ARHGAP23: variants seen among roughly 807,000 people sequenced by gnomAD.
ARHGAP23 encodes Rho GTPase activating protein 23.
ARHGAP23 carries 34 observed loss-of-function variants against 136.3 expected under a neutral mutation model. That is an observed-to-expected ratio of 0.25 (90% CI 0.19 to 0.33). ARHGAP23 has a LOEUF of 0.33. Ranked by LOEUF, ARHGAP23 falls within the 10% of genes least tolerant of loss-of-function variation. The pLI, the probability that ARHGAP23 is intolerant of heterozygous loss-of-function variation, is 1.00. For synonymous variants in ARHGAP23, 832 were observed against 920.5 expected, an observed-to-expected ratio of 0.90 and a Z score of 1.74; for missense variants, 1,808 against 2,139.0, an observed-to-expected ratio of 0.85 and a Z score of 3.05.
At chr17:38,425,170 T>C (rs1374568318), upstream of ARHGAP23, among the ~76,000 whole-genome samples, 1 of 152,164 alleles carries the variant, frequency 6.6e-6, no homozygotes, top group Non-Finnish European at 1.5e-5. Context: ...CCCTCCAGCG[T>C]CACACCCCCG....
rs1445378675 is a variant in ARHGAP23, at chr17:38,497,787, A to G, written c.3279A>G (p.Ser1093=). 2 of 1,551,176 alleles carry G rather than the reference A, an allele frequency of 1.3e-6. No individual in the cohort carries two copies. Among genetic ancestry groups the G allele is most frequent in the Admixed American group, 3.9e-5 (2 of 50,994 alleles). The change falls in exon 21 of 24, where the codon TCA becomes TCG. Residue 1093 remains serine (S), a splice_region_variant and synonymous_variant. Transcript: ENST00000622683. ...CCTTCCTTTTGTCTTCTCTGCAGTC[A>G]GACTGGTTCTTCAGTGACGAAGAGG... is the stretch of plus-strand genomic sequence containing the variant. ...YKIVETLIQH[S]DWFFSDEEDK...
chr17:38,510,220 G>T lies in ARHGAP23; in HGVS notation c.3724G>T (p.Asp1242Tyr). 1 of 1,376,044 alleles carries T rather than the reference G, an allele frequency of 7.3e-7. No individual in the cohort carries two copies. Among genetic ancestry groups the T allele is most frequent in the Non-Finnish European group, 9.4e-7 (1 of 1,064,600 alleles). 85.2% of individuals were successfully genotyped at this position (1,376,044 alleles called of 1,614,324 possible). Residue 1242 changes from aspartate (D) to tyrosine (Y), a missense_variant, in exon 24 of 24, where the codon GAC (aspartate) becomes TAC (tyrosine). Transcript: ENST00000622683. This position sits in a 1 kb window ranked among gnomAD's most constrained non-coding sequence, Gnocchi z 4.6. ...GGCGCCGGAGGAGCGGCCGGCCGCG[G>T]ACACGCGCTCCATTGTGTCGGGCTA... is the stretch of plus-strand genomic sequence containing the variant. ...PAAPEERPAA[D>Y]TRSIVSGYST...
chr17:38,490,287 C>T, intron 18 of ARHGAP23, 112 bp downstream of exon 18: 1 of 1,216,730 alleles, frequency 8.2e-7, no homozygotes, highest in East Asian at 2.5e-5. Context: ...CTTGGAGAAG[C>T]CCCGCTCCAC....
rs1344916840 is a variant in ARHGAP23, at chr17:38,502,934, A to G, written c.3447+2306A>G. 2.0e-5 allele frequency among the ~76,000 whole-genome samples: 3 copies of G among 152,276 alleles called. No homozygotes were observed. The South Asian group carries it at 6.2e-4, about 32-fold the overall frequency. On this transcript the variant is annotated intron_variant, in intron 23 of 23. Coordinates refer to ENST00000622683, the MANE Select transcript of ARHGAP23 (RefSeq NM_001199417.2). ...GTGGGGCATGCCTGTAGTCCCAGCT[A>G]CTTGGGAGGCTGAGGCAGGAAGATC...
intron 23 of ARHGAP23, among the ~76,000 whole-genome samples, chr17:38,504,223 G>C (rs2040580148): frequency 6.6e-6 from 1 of 152,232 alleles, no homozygotes. Flanking sequence ...AACCGGCCAA[G>C]CCTCTAAGAA....
chr17:38,475,407 C>T (rs1163330466), intron 11 of ARHGAP23, among the ~76,000 whole-genome samples: 1 of 152,246 alleles, frequency 6.6e-6, no homozygotes, highest in Admixed American at 6.5e-5. Flanking sequence ...GTCACCACCT[C>T]ACTGTCACAT....
At chr17:38,495,228 CTTTTTTTTTTTT>C in intron 20 of ARHGAP23, among the ~76,000 whole-genome samples, 1 of 135,496 alleles carries the variant, frequency 7.4e-6, no homozygotes, top group Admixed American at 7.5e-5. Flanking sequence ...TTTTCTTTTT[CTTTTTTTTTTTT>C]TTTTTTTTTG....
At chr17:38,480,340 A>G (rs2144712154) in intron 14 of ARHGAP23, among the ~76,000 whole-genome samples, 1 of 152,252 alleles carries the variant, frequency 6.6e-6, no homozygotes, top group East Asian at 1.9e-4. Flanking sequence ...CAACTCTACT[A>G]AAAATACAAA....
intron 1 of ARHGAP23, among the ~76,000 whole-genome samples, chr17:38,454,314 G>A (rs933808239): frequency 6.6e-6 from 1 of 152,180 alleles, no homozygotes; most frequent in African/African-American, 2.4e-5. Flanking sequence ...AGGGTGGCAG[G>A]ATTTGTGGCT....
Position 38,466,783 on chromosome 17 carries a change from CA to C in ARHGAP23, c.1101del (p.Ala369HisfsTer123). 6.5e-7 allele frequency: 1 copy of C among 1,549,330 alleles called. No homozygotes were observed. The highest frequency in any genetic ancestry group is 8.7e-7 in the Non-Finnish European group (1 of 1,146,434). ...ACCCGTTCTGCCGAGGCACTGGGGCCAGGGGCACTGGTGTCACCCCGCTTTG... is the reference window on the plus strand; with the variant it reads ...ACCCGTTCTGCCGAGGCACTGGGGCCGGGGCACTGGTGTCACCCCGCTTTG... ...RATRSAEALG[P>X]GALVSPRFER... On this transcript the variant is annotated frameshift_variant, in exon 7 of 24. Transcript: ENST00000622683. LOFTEE classifies it high-confidence loss of function.
chr17:38,460,153 G>A (rs1012466734), intron 2 of ARHGAP23, among the ~76,000 whole-genome samples: 1 of 152,114 alleles, frequency 6.6e-6, no homozygotes, highest in Non-Finnish European at 1.5e-5. Flanking sequence ...CCCCCACAAA[G>A]TCTAGTGCCA....
rs1241989813 is a variant in ARHGAP23, at chr17:38,448,858, C to CTTTTTTTTT, written c.64-9235_64-9227dup. ...ATGGGGTCTTGCCAAGTTGCCCAGC[C>CTTTTTTTTT]TTTTTTTTTTTTTTTTTGAGACCGG... On this transcript the variant is annotated intron_variant, in intron 1 of 23. Transcript: ENST00000622683. Among the ~76,000 whole-genome samples the CTTTTTTTTT allele has an allele frequency of 2.7e-4, 34 of 124,204 alleles. 1 individual carries two copies. The highest frequency in any genetic ancestry group is 1.1e-3 in the African/African-American group (32 of 29,670). 81.5% of individuals were successfully genotyped at this position (124,204 alleles called of 152,430 possible).
intron 1 of ARHGAP23, among the ~76,000 whole-genome samples, chr17:38,439,793 G>A (rs1438264443): frequency 7.8e-6 from 1 of 128,536 alleles, no homozygotes; most frequent in African/African-American, 2.9e-5. Context: ...TTTTTTTTTT[G>A]AGACCAAGTC....
chr17:38,462,768 G>A (rs1225774771), intron 3 of ARHGAP23, 78 bp from the exon 4 acceptor site: 1 of 1,000,786 alleles, frequency 1.0e-6, no homozygotes, highest in East Asian at 2.8e-5. Context: ...CTCTGAGTGT[G>A]TGTCCCCTGT....
intron 13 of ARHGAP23, 73 bp from the exon 14 acceptor site, chr17:38,479,680 G>T: frequency 6.9e-7 from 1 of 1,448,250 alleles, no homozygotes; most frequent in Admixed American, 2.6e-5. Flanking sequence ...CCCGAGGGGC[G>T]GGAGGCCAGG....
chr17:38,469,573 G>A lies in ARHGAP23; in HGVS notation c.1854G>A (p.Thr618=), dbSNP rs1460399072. The A allele has an allele frequency of 1.1e-5, 17 of 1,548,676 alleles. No individual in the cohort carries two copies. The highest frequency in any genetic ancestry group is 4.1e-5 in the African/African-American group (3 of 73,080). Residue 618 remains threonine, a synonymous_variant, in exon 9 of 24, where the codon ACG becomes ACA. Transcript: ENST00000622683. ...CCTCCTACCTGCTGGCCATCACCAC[G>A]GAGCGCTCCAAGTCCTGCGATGATG... The part of the protein sequence containing the change: ...RRSSYLLAIT[T]ERSKSCDDGL...
intron 1 of ARHGAP23, chr17:38,452,209 C>G (rs1263888755): frequency 1.3e-5 from 2 of 152,688 alleles, no homozygotes; most frequent in East Asian, 3.8e-4. Flanking sequence ...CTTTGCTTCT[C>G]CACCTTCTGA....
At position 38,466,667 on chromosome 17, in the gene ARHGAP23, G is replaced by A. The variant is rs1039987569; in HGVS notation, c.984G>A (p.Pro328=). 4.2e-5 allele frequency: 64 copies of A among 1,513,198 alleles called. No individual in the cohort carries two copies. Among genetic ancestry groups the A allele is most frequent in the East Asian group, 3.7e-4 (15 of 40,702 alleles). The allele number at this position is 1,513,198 out of a possible 1,614,324, so 93.7% of individuals were successfully genotyped here. A position where few individuals can be genotyped will look rare whatever the true frequency, so the allele number is the denominator to read the frequency against. ...DRLEEVAAPR[P]WPCSTSQDAL... ...TGGAGGAGGTGGCTGCCCCCCGCCCGTGGCCCTGCTCCACCTCCCAGGATG... is the reference window on the plus strand; with the variant it reads ...TGGAGGAGGTGGCTGCCCCCCGCCCATGGCCCTGCTCCACCTCCCAGGATG... Residue 328 remains proline (P), a synonymous_variant, in exon 7 of 24, where the codon CCG becomes CCA. Transcript: ENST00000622683.
chr17:38,443,317 G>C (rs2038959931), intron 1 of ARHGAP23, among the ~76,000 whole-genome samples: 2 of 152,218 alleles, frequency 1.3e-5, no homozygotes, highest in African/African-American at 4.8e-5. Flanking sequence ...CCAGAGGTTG[G>C]TTAAATGAGT....
Sources: allele counts gnomAD v4.1 joint callset (sites outside exome capture counted in the v4.1 genomes callset), GRCh38; gene constraint gnomAD v4.1.1; non-coding constraint Gnocchi (gnomAD v3.1); transcripts MANE v1.5; gene names NCBI Gene and HGNC (gene_info 2026-07-23, HGNC 2026-07-21).